TENM3: variants seen among roughly 807,000 people sequenced by gnomAD.
The protein encoded by TENM3 is teneurin transmembrane protein 3.
In TENM3, 63 loss-of-function variants were observed where a neutral mutation model predicts 255.1. The ratio of observed to expected loss-of-function variants is 0.25; its 90% CI spans 0.20 to 0.30. TENM3 has a LOEUF of 0.30. TENM3 is among the 10% of genes least tolerant of loss of function. TENM3 has a pLI of 1.00. For missense variants in TENM3, 2,929 were observed against 3,461.1 expected, an observed-to-expected ratio of 0.85 and a Z score of 3.86; for synonymous variants, 1,306 against 1,322.3, an observed-to-expected ratio of 0.99 and a Z score of 0.27.
the TENM3 span, among the ~76,000 whole-genome samples, chr4:181,513,497 AG>A: frequency 6.6e-6 from 1 of 152,334 alleles, no homozygotes; most frequent in South Asian, 2.1e-4. Context: ...GATAAAAGTA[AG>A]TGCAATTTGT....
At chr4:181,727,808 T>C in the TENM3 span, among the ~76,000 whole-genome samples, 1 of 152,200 alleles carries the variant, frequency 6.6e-6, no homozygotes, top group Non-Finnish European at 1.5e-5. Context: ...TATATCTCCA[T>C]GTTCTAATTA....
chr4:182,164,139 C>G (rs1401919587), intron 1 of TENM3, among the ~76,000 whole-genome samples: 2 of 152,190 alleles, frequency 1.3e-5, no homozygotes, highest in Non-Finnish European at 2.9e-5. Flanking sequence ...GCATCCAGAG[C>G]CAGCAGGCAC....
intron 1 of TENM3, among the ~76,000 whole-genome samples, chr4:182,291,757 C>T (rs918298406): frequency 1.3e-5 from 2 of 152,070 alleles, no homozygotes; most frequent in Non-Finnish European, 2.9e-5. Context: ...ACACACAGAC[C>T]CAGAAGCTGA....
the TENM3 span, among the ~76,000 whole-genome samples, chr4:181,810,589 A>G: frequency 1.3e-5 from 2 of 151,966 alleles, no homozygotes; most frequent in Non-Finnish European, 1.5e-5. Flanking sequence ...GAAAGATAAA[A>G]CTGTCCTTGG....
At chr4:182,293,278 G>T (rs901457335) in intron 1 of TENM3, among the ~76,000 whole-genome samples, 1 of 151,956 alleles carries the variant, frequency 6.6e-6, no homozygotes, top group African/African-American at 2.4e-5. Flanking sequence ...CAGCAGAGGG[G>T]ATTCAAAACC....
At chr4:181,795,592 A>G in the TENM3 span, among the ~76,000 whole-genome samples, 1 of 152,222 alleles carries the variant, frequency 6.6e-6, no homozygotes, top group East Asian at 1.9e-4. Context: ...GATCAATACC[A>G]GTTGCTGAAC....
intron 13 of TENM3, among the ~76,000 whole-genome samples, chr4:182,721,128 G>A: frequency 6.6e-6 from 1 of 152,230 alleles, no homozygotes; most frequent in Non-Finnish European, 1.5e-5. Context: ...GCTTAAGAAT[G>A]TGGACGTGGG....
chr4:182,459,182 A>G (rs1031382840), intron 3 of TENM3, among the ~76,000 whole-genome samples: 1 of 152,214 alleles, frequency 6.6e-6, no homozygotes, highest in African/African-American at 2.4e-5. Context: ...TTCCCGAGAG[A>G]GTATTTACCA....
chr4:182,702,504 C>G (rs1002441866), intron 12 of TENM3, among the ~76,000 whole-genome samples: 1 of 152,142 alleles, frequency 6.6e-6, no homozygotes, highest in African/African-American at 2.4e-5. Context: ...TAAACTCTCC[C>G]TATTAATAAG....
chr4:182,421,799 G>C (rs190742265), intron 3 of TENM3, among the ~76,000 whole-genome samples: 9 of 152,240 alleles, frequency 5.9e-5, no homozygotes, highest in Admixed American at 4.6e-4. Flanking sequence ...TTCAATTCTT[G>C]ATTTGCAACT....
intron 5 of TENM3, among the ~76,000 whole-genome samples, chr4:182,650,517 T>G (rs1489785878): frequency 6.7e-6 from 1 of 150,134 alleles, no homozygotes; most frequent in Non-Finnish European, 1.5e-5. Context: ...GATACCCCAT[T>G]TAGTTTTATT....
At chr4:182,747,101 G>C (rs1184454895) in intron 19 of TENM3, among the ~76,000 whole-genome samples, 1 of 152,176 alleles carries the variant, frequency 6.6e-6, no homozygotes, top group Admixed American at 6.5e-5. Context: ...TGAGTCATGA[G>C]AGGCTTAGGA....
chr4:181,964,087 G>A, the TENM3 span, among the ~76,000 whole-genome samples: 2 of 145,238 alleles, frequency 1.4e-5, no homozygotes, highest in South Asian at 2.2e-4. Flanking sequence ...TTTTTTTGAG[G>A]TCTCTCCCAA....
At chr4:182,788,957 A>C (rs1765894193) in intron 24 of TENM3, 136 bp from the exon 25 acceptor site, 2 of 713,722 alleles carry the variant, frequency 2.8e-6, no homozygotes, top group Non-Finnish European at 4.5e-6. Flanking sequence ...ACTGCCTTGC[A>C]CTTGTACCCA....
At chr4:182,606,990 A>G (rs1160722655) in intron 4 of TENM3, among the ~76,000 whole-genome samples, 1 of 152,216 alleles carries the variant, frequency 6.6e-6, no homozygotes, top group Non-Finnish European at 1.5e-5. Context: ...TCCTGCATCC[A>G]CCATTTTCAC....
intron 1 of TENM3, among the ~76,000 whole-genome samples, chr4:182,224,475 G>A (rs183528634): frequency 2.6e-5 from 4 of 152,202 alleles, no homozygotes; most frequent in Admixed American, 1.3e-4. Context: ...TTTCAAAGGC[G>A]AAAACTGTGT....
chr4:182,500,349 T>C (rs938061299), intron 3 of TENM3, among the ~76,000 whole-genome samples: 26 of 152,126 alleles, frequency 1.7e-4, no homozygotes, highest in African/African-American at 6.0e-4. Flanking sequence ...AAAGGGACAA[T>C]AGAAAAATGA....
At chr4:181,727,179 G>A in the TENM3 span, among the ~76,000 whole-genome samples, 1 of 152,070 alleles carries the variant, frequency 6.6e-6, no homozygotes, top group African/African-American at 2.4e-5. Context: ...TTCCCCAGAG[G>A]TTGGGTGACC....
chr4:182,575,440 C>T (rs1417997776), intron 3 of TENM3, among the ~76,000 whole-genome samples: 3 of 152,140 alleles, frequency 2.0e-5, no homozygotes, highest in South Asian at 2.1e-4. Context: ...AGTACATGAA[C>T]GAGTGGCGGC....
Sources: allele counts gnomAD v4.1 joint callset (sites outside exome capture counted in the v4.1 genomes callset), GRCh38; gene constraint gnomAD v4.1.1; transcripts MANE v1.5; gene names NCBI Gene and HGNC (gene_info 2026-07-23, HGNC 2026-07-21).